The following LEMD1 variants were observed in gnomAD, a reference collection of about 807,000 sequenced individuals.
LEMD1 encodes LEM domain-containing protein 1.
In LEMD1, 18 loss-of-function variants were observed where a neutral mutation model predicts 17.4. The ratio of observed to expected loss-of-function variants is 1.04; its 90% CI spans 0.72 to 1.54. LEMD1 has a LOEUF of 1.54. Among genes scored for constraint, LEMD1 ranks in the 40% most tolerant of loss-of-function variants. The pLI is 0.00. For missense variants in LEMD1, 195 were observed against 210.4 expected, an observed-to-expected ratio of 0.93 and a Z score of 0.45; for synonymous variants, 88 against 77.8, an observed-to-expected ratio of 1.13 and a Z score of -0.69.
At chr1:205,396,750 T>A (rs1558715550) in intron 4 of LEMD1, among the ~76,000 whole-genome samples, 1 of 152,168 alleles carries the variant, frequency 6.6e-6, no homozygotes, top group Non-Finnish European at 1.5e-5. Flanking sequence ...CTAAAGTTTG[T>A]GGATGCTATA....
At chr1:205,411,185 G>A (rs113317687) in intron 4 of LEMD1, among the ~76,000 whole-genome samples, 1 of 125,108 alleles carries the variant, frequency 8.0e-6, no homozygotes, top group African/African-American at 3.1e-5. Context: ...AAGGAAAGAA[G>A]GAAAGGAAGG....
upstream of LEMD1, among the ~76,000 whole-genome samples, chr1:205,425,500 T>C (rs1666042836): frequency 1.3e-5 from 2 of 152,126 alleles, no homozygotes; most frequent in Middle Eastern, 3.4e-3. Flanking sequence ...TCTAGCTCGT[T>C]GAGAGGTGGC....
intron 2 of LEMD1, 85 bp from the exon 3 acceptor site, chr1:205,419,437 A>C (rs1665857088): frequency 6.9e-7 from 1 of 1,459,504 alleles, no homozygotes; most frequent in Non-Finnish European, 9.5e-7. Context: ...ATAACTCAGA[A>C]TTTTATTCTT....
At position 205,420,455 on chromosome 1, in the gene LEMD1, G is replaced by A. The variant is rs376133703; in HGVS notation, c.82C>T (p.Pro28Ser). ...AATATTTGCTGCATACTGTACATAC[G>A]TAGTATTGGGCCAGGTGAAAATCCA... ...KLGFSPGPIL[P>S]STRKLYEKKL... The change falls in exon 2 of 6, where the codon CCT becomes TCT. Residue 28 changes from proline to serine, a missense_variant and splice_region_variant. Pro to Ser is a moderately conservative substitution (Grantham distance 74, BLOSUM62 -1). Coordinates refer to ENST00000367153, the MANE Select transcript of LEMD1 (RefSeq NM_001199050.2). The A allele has an allele frequency of 1.6e-5, 26 of 1,610,168 alleles. No homozygotes were observed. The highest frequency in any genetic ancestry group is 1.6e-4 in the Middle Eastern group (1 of 6,070).
At chr1:205,446,891 C>G (rs1666398188) in intron 1 of LEMD1, among the ~76,000 whole-genome samples, 1 of 152,218 alleles carries the variant, frequency 6.6e-6, no homozygotes, top group South Asian at 2.1e-4. Context: ...ACCCAGCTGG[C>G]TTGGGATTTC....
intron 4 of LEMD1, chr1:205,387,099 C>T (rs1225192787): frequency 3.3e-5 from 5 of 152,152 alleles, no homozygotes; most frequent in African/African-American, 1.2e-4. Context: ...CAATCAAATA[C>T]TCCCCTTGTG....
At chr1:205,415,358 C>T (rs921341897) in intron 4 of LEMD1, among the ~76,000 whole-genome samples, 2 of 151,946 alleles carry the variant, frequency 1.3e-5, no homozygotes, top group East Asian at 1.9e-4. Context: ...TGTGTGGGGA[C>T]GCCGCAAAGA....
rs74491056 is a variant in LEMD1 at position 205,416,867 on chromosome 1, A to C, written c.206-571T>G. ...TTGGAAAGTTTGAAAGCAGTTAGAT[A>C]ATTAAAGCTGTGTCTCCCCACTGAC... On this transcript the variant is annotated intron_variant, in intron 3 of 5. Coordinates refer to ENST00000367153, the MANE Select transcript of LEMD1 (RefSeq NM_001199050.2). 4.7e-3 allele frequency among the ~76,000 whole-genome samples: 723 copies of C among 152,328 alleles called. 4 individuals are homozygous for C. Among genetic ancestry groups the C allele is most frequent in the African/African-American group, 0.016 (684 of 41,578 alleles).
intron 4 of LEMD1, among the ~76,000 whole-genome samples, chr1:205,392,053 A>G (rs908007601): frequency 6.6e-6 from 1 of 151,576 alleles, no homozygotes; most frequent in African/African-American, 2.4e-5. Context: ...GGAGGTTTAA[A>G]TGAGCCAAGA....
At position 205,420,440 on chromosome 1, in the gene LEMD1, G is replaced by C; in HGVS notation, c.82+15C>G. On this transcript the variant is annotated intron_variant, in intron 2 of 5. Transcript: ENST00000367153. ...AAATGACAAGTCTGTAATATTTGCT[G>C]CATACTGTACATACGTAGTATTGGG... The C allele has an allele frequency of 6.3e-7, 1 of 1,595,464 alleles. No individual in the cohort carries two copies. The highest frequency in any genetic ancestry group is 8.6e-7 in the Non-Finnish European group (1 of 1,163,362).
At chr1:205,382,989 C>A (rs6664023) in intron 5 of LEMD1, among the ~76,000 whole-genome samples, 22,446 of 152,150 alleles carry the variant, frequency 0.15, 1,791 homozygotes, top group East Asian at 0.24. Flanking sequence ...AATACAATTG[C>A]CTGTCTTGAG....
chr1:205,447,565 C>T (rs953925597), intron 1 of LEMD1, among the ~76,000 whole-genome samples: 4 of 151,760 alleles, frequency 2.6e-5, no homozygotes, highest in African/African-American at 7.3e-5. Flanking sequence ...AAAATCAGGC[C>T]GATTTAAAAG....
chr1:205,388,812 T>C (rs1383895247), intron 4 of LEMD1, among the ~76,000 whole-genome samples: 1 of 152,204 alleles, frequency 6.6e-6, no homozygotes, highest in Non-Finnish European at 1.5e-5. Flanking sequence ...CTCGGATGAA[T>C]TGACATTTTC....
At chr1:205,438,717 A>C (rs1478994036) in intron 1 of LEMD1, among the ~76,000 whole-genome samples, 5 of 152,060 alleles carry the variant, frequency 3.3e-5, no homozygotes. Flanking sequence ...GAGGCAGAGG[A>C]CAACTGGACC....
chr1:205,394,705 T>C (rs1407381499), intron 4 of LEMD1, among the ~76,000 whole-genome samples: 1 of 152,082 alleles, frequency 6.6e-6, no homozygotes, highest in East Asian at 1.9e-4. Context: ...TTTATTTTAT[T>C]TTGAGACCCA....
chr1:205,408,050 G>A (rs556452015), intron 4 of LEMD1, among the ~76,000 whole-genome samples: 4 of 150,748 alleles, frequency 2.7e-5, no homozygotes, highest in South Asian at 2.2e-4. Flanking sequence ...GCTCCAGATC[G>A]AAGGAGAAGG....
intron 4 of LEMD1, among the ~76,000 whole-genome samples, chr1:205,413,278 TTTTTA>T (rs1017664860): frequency 2.0e-5 from 3 of 152,092 alleles, no homozygotes; most frequent in African/African-American, 7.2e-5. Context: ...ATCATTTTAT[TTTTTA>T]TTTTAATTTT....
chr1:205,432,240 A>T (rs1666134790), intron 1 of LEMD1, among the ~76,000 whole-genome samples: 1 of 152,208 alleles, frequency 6.6e-6, no homozygotes, highest in African/African-American at 2.4e-5. Context: ...GTGTGTAGAC[A>T]TGCATGGCCT....
intron 4 of LEMD1, chr1:205,387,063 AATG>A (rs1664067615): frequency 6.6e-6 from 1 of 152,216 alleles, no homozygotes; most frequent in Non-Finnish European, 1.5e-5. Flanking sequence ...TGCAAAATCA[AATG>A]ATAGAATTTC....
Sources: allele counts gnomAD v4.1 joint callset (sites outside exome capture counted in the v4.1 genomes callset), GRCh38; gene constraint gnomAD v4.1.1; transcripts MANE v1.5; gene names NCBI Gene and HGNC (gene_info 2026-07-23, HGNC 2026-07-21).